ZNF407: variants seen among roughly 807,000 people sequenced by gnomAD.
The protein encoded by ZNF407 is zinc finger protein 407.
Under a neutral mutation model 131.2 loss-of-function variants are expected in ZNF407, and 17 were observed. The ratio of observed to expected loss-of-function variants is 0.13; its 90% confidence interval spans 0.09 to 0.19. ZNF407 has a LOEUF of 0.19. Among genes scored for constraint, ZNF407 ranks in the 10% least tolerant of loss-of-function variants. The probability of loss-of-function intolerance (pLI) is 1.00; values close to 1 mark genes in which losing one functional copy is unlikely to be tolerated. For synonymous variants in ZNF407, 1,156 were observed against 1,062.0 expected (o/e 1.09, Z -1.72); for missense variants, 2,681 against 2,830.6 (o/e 0.95, Z 1.20).
intron 8 of ZNF407, among the ~76,000 whole-genome samples, chr18:75,032,539 G>A (rs1024071184): frequency 6.6e-6 from 1 of 152,154 alleles, no homozygotes; most frequent in African/African-American, 2.4e-5. Context: ...TAGGTGTACA[G>A]TGCCCCAGCC....
chr18:74,812,849 A>T (rs1309871947), intron 4 of ZNF407, among the ~76,000 whole-genome samples: 5 of 151,916 alleles, frequency 3.3e-5, no homozygotes, highest in Admixed American at 2.0e-4. Context: ...CTGTCCTTTG[A>T]TATGCCTTCT....
intron 1 of ZNF407, among the ~76,000 whole-genome samples, chr18:74,624,864 C>G (rs1487250015): frequency 6.6e-6 from 1 of 152,248 alleles, no homozygotes; most frequent in Non-Finnish European, 1.5e-5. Context: ...TTAATTTCCT[C>G]AAGGTTAGGC....
chr18:74,702,765 A>G (rs1282875147), intron 3 of ZNF407, among the ~76,000 whole-genome samples: 3 of 152,214 alleles, frequency 2.0e-5, no homozygotes, highest in African/African-American at 7.2e-5. Context: ...GCACACATAG[A>G]TACATGTACA....
At chr18:74,964,193 C>T (rs891213678) in intron 8 of ZNF407, among the ~76,000 whole-genome samples, 4 of 152,128 alleles carry the variant, frequency 2.6e-5, no homozygotes, top group Non-Finnish European at 5.9e-5. Context: ...ATCCCTGGAC[C>T]CCAAATGGAT....
chr18:74,609,346 C>G (rs1223927871), intron 1 of ZNF407, among the ~76,000 whole-genome samples: 1 of 152,126 alleles, frequency 6.6e-6, no homozygotes, highest in African/African-American at 2.4e-5. Context: ...ATGGTGCAGC[C>G]TGCTACACAC....
intron 1 of ZNF407, among the ~76,000 whole-genome samples, chr18:74,599,736 A>G (rs1002497712): frequency 1.3e-5 from 2 of 152,258 alleles, no homozygotes; most frequent in East Asian, 1.9e-4. Flanking sequence ...GAACTCGCTA[A>G]TCTTAATAAA....
intron 8 of ZNF407, among the ~76,000 whole-genome samples, chr18:75,045,133 G>A (rs1034518232): frequency 3.9e-5 from 6 of 151,944 alleles, no homozygotes; most frequent in South Asian, 4.2e-4. Flanking sequence ...TGCGTGGGGC[G>A]GTGTGGGTGT....
intron 4 of ZNF407, among the ~76,000 whole-genome samples, chr18:74,847,904 T>C (rs1238637464): frequency 2.0e-5 from 3 of 152,084 alleles, no homozygotes; most frequent in South Asian, 2.1e-4. Context: ...TTCTCTCACG[T>C]TGGGAACCTT....
chr18:74,675,548 T>C (rs1194129064), intron 3 of ZNF407, among the ~76,000 whole-genome samples: 1 of 152,212 alleles, frequency 6.6e-6, no homozygotes, highest in African/African-American at 2.4e-5. Context: ...AGAAAAGTAA[T>C]ATAAAGCAGA....
intron 1 of ZNF407, among the ~76,000 whole-genome samples, chr18:74,617,846 A>G (rs1983380900): frequency 6.6e-6 from 1 of 151,464 alleles, no homozygotes; most frequent in East Asian, 1.9e-4. Flanking sequence ...TTGGCTGCAA[A>G]TCTAAAACGC....
chr18:74,810,327 T>C (rs1970176186), intron 4 of ZNF407, among the ~76,000 whole-genome samples: 1 of 149,158 alleles, frequency 6.7e-6, no homozygotes, highest in African/African-American at 2.4e-5. Context: ...AAGTTTTAGA[T>C]TTAAGCGTCA....
At chr18:74,842,598 TGATG>T (rs1970648861) in intron 4 of ZNF407, among the ~76,000 whole-genome samples, 1 of 17,680 alleles carries the variant, frequency 5.7e-5, no homozygotes, top group Non-Finnish European at 1.5e-4. Context: ...TTTTCCCTAG[TGATG>T]TGTGTGTGTG....
chr18:74,858,422 A>G (rs1256624096), intron 4 of ZNF407, among the ~76,000 whole-genome samples: 1 of 152,172 alleles, frequency 6.6e-6, no homozygotes, highest in Non-Finnish European at 1.5e-5. Flanking sequence ...TTGTACAGCC[A>G]AATGGTAGCC....
chr18:74,614,296 T>C (rs1466883820), intron 1 of ZNF407, among the ~76,000 whole-genome samples: 2 of 152,218 alleles, frequency 1.3e-5, no homozygotes, highest in African/African-American at 4.8e-5. Context: ...TGGGTGGTGT[T>C]CTACTGTATT....
chr18:75,032,865 T>C (rs1401211431), intron 8 of ZNF407, among the ~76,000 whole-genome samples: 20 of 128,708 alleles, frequency 1.6e-4, no homozygotes, highest in South Asian at 5.3e-4. Flanking sequence ...GGGAAGATAG[T>C]ATTAGATAAC....
chr18:74,910,843 G>C (rs116494277), intron 7 of ZNF407, among the ~76,000 whole-genome samples: 1 of 152,004 alleles, frequency 6.6e-6, no homozygotes, highest in Non-Finnish European at 1.5e-5. Flanking sequence ...CTTAATGAAC[G>C]GGTGGGCTTT....
intron 3 of ZNF407, among the ~76,000 whole-genome samples, chr18:74,725,391 A>G (rs1968133078): frequency 6.6e-6 from 1 of 152,252 alleles, no homozygotes; most frequent in Non-Finnish European, 1.5e-5. Context: ...TTTTAAAACT[A>G]TTTTATATAG....
At chr18:74,601,118 T>C (rs1982559008) in intron 1 of ZNF407, among the ~76,000 whole-genome samples, 1 of 152,250 alleles carries the variant, frequency 6.6e-6, no homozygotes, top group African/African-American at 2.4e-5. Flanking sequence ...CACTGATGTG[T>C]CTGCTTCGGG....
rs1223915799 is a variant in ZNF407 at position 74,632,994 on chromosome 18, C to G, written c.1975C>G (p.Gln659Glu). ...ATCATCTAACAGTGATTTGGTTTTA[C>G]AGACTTTACCTTTGAGTACTTTAGA... ...LQSSNSDLVL[Q>E]TLPLSTLESE... The change falls in exon 2 of 9, where the codon CAG (glutamine) becomes GAG (glutamate). Residue 659 changes from glutamine to glutamate, a missense_variant. Coordinates refer to ENST00000299687, the MANE Select transcript of ZNF407 (RefSeq NM_017757.3). The G allele has an allele frequency of 6.2e-7, 1 of 1,613,448 alleles. No individual in the cohort carries two copies. The highest frequency in any genetic ancestry group is 2.2e-5 in the East Asian group (1 of 44,810).
Sources: gnomAD v4.1 joint callset for allele counts (sites outside exome capture counted in the v4.1 genomes callset) on GRCh38, gnomAD v4.1.1 for gene constraint, MANE v1.5 for transcripts, NCBI Gene and HGNC (gene_info 2026-07-23, HGNC 2026-07-21) for gene names.